XXYLT1: variants seen among roughly 807,000 people sequenced by gnomAD.
XXYLT1 encodes UDP-xylose:alpha-xyloside alpha-1,3-xylosyltransferase.
XXYLT1 carries 20 observed loss-of-function variants against 28.9 expected under a neutral mutation model. The ratio of observed to expected loss-of-function variants is 0.69; its 90% confidence interval spans 0.49 to 1.00. The LOEUF is 1.00. XXYLT1 is among the 50% of genes least tolerant of loss of function. The probability of loss-of-function intolerance (pLI) is 0.00; values close to 1 mark genes in which losing one functional copy is unlikely to be tolerated. For synonymous variants in XXYLT1, 257 were observed against 253.8 expected (o/e 1.01, Z -0.12); for missense variants, 542 against 560.1 (o/e 0.97, Z 0.33).
intron 2 of XXYLT1, among the ~76,000 whole-genome samples, chr3:195,226,409 T>C (rs1724053114): frequency 6.6e-6 from 1 of 151,958 alleles, no homozygotes; most frequent in African/African-American, 2.4e-5. Context: ...AAACAAAGTA[T>C]GGGGGTTGAG....
At chr3:195,208,335 G>A (rs955392667) in intron 2 of XXYLT1, among the ~76,000 whole-genome samples, 7 of 152,138 alleles carry the variant, frequency 4.6e-5, no homozygotes, top group African/African-American at 1.2e-4. Flanking sequence ...GCACAGCACA[G>A]CATCCAGTCT....
rs1370000399 is a variant in XXYLT1, at chr3:195,158,726, C to A, written c.653-2145G>T. 3.3e-5 allele frequency among the ~76,000 whole-genome samples: 5 copies of A among 152,220 alleles called. No individual in the cohort carries two copies. In the East Asian group the frequency reaches 9.6e-4, roughly 29 times the overall value. Reference sequence around the variant, plus strand: ...TTTCTATTCCCGGAGGCCAACAGGCCCCTGTGCAGCCTGCACTGTCCTGCG... The same window carrying A: ...TTTCTATTCCCGGAGGCCAACAGGCACCTGTGCAGCCTGCACTGTCCTGCG... On this transcript the variant is annotated intron_variant, in intron 2 of 3. Coordinates refer to ENST00000310380, the MANE Select transcript of XXYLT1 (RefSeq NM_152531.5).
rs568247718 is a variant in XXYLT1, at chr3:195,259,736, G to T, written c.504+10819C>A. 21 of 945,824 alleles carry T rather than the reference G, an allele frequency of 2.2e-5. No individual in the cohort carries two copies. The African/African-American group carries it at 3.7e-4, about 17-fold the overall frequency. 58.6% of individuals were successfully genotyped at this position (945,824 alleles called of 1,614,324 possible). ...GCGGCCCCCGGAGCCGGCCTCTGGC[G>T]GCCTCGGGTCTTTTGCCAAATTCCC... On this transcript the variant is annotated intron_variant, in intron 1 of 3. Coordinates refer to ENST00000310380, the MANE Select transcript of XXYLT1 (RefSeq NM_152531.5).
At chr3:195,183,297 TAGTC>T (rs1329311844) in intron 2 of XXYLT1, among the ~76,000 whole-genome samples, 3 of 152,288 alleles carry the variant, frequency 2.0e-5, no homozygotes, top group East Asian at 1.9e-4. Context: ...GTTCTAGTAA[TAGTC>T]AGTTCTCATG....
chr3:195,270,667 A>C lies in XXYLT1; in HGVS notation c.392T>G (p.Phe131Cys). The C allele has an allele frequency of 6.3e-7, 1 of 1,583,164 alleles. No individual in the cohort carries two copies. The highest frequency in any genetic ancestry group is 8.5e-7 in the Non-Finnish European group (1 of 1,170,352). The change falls in exon 1 of 4, where the codon TTC (phenylalanine) becomes TGC (cysteine). Residue 131 changes from phenylalanine (F) to cysteine (C), a missense_variant. Coordinates refer to ENST00000310380, the MANE Select transcript of XXYLT1 (RefSeq NM_152531.5). ...ALRSLLRLAKFEAHEVLNLHF... is the reference protein window; with the variant it reads ...ALRSLLRLAKCEAHEVLNLHF... ...AAGGTTAAGCACCTCGTGCGCCTCG[A>C]ACTTGGCGAGGCGCAGCAGTGAGCG...
intron 2 of XXYLT1, among the ~76,000 whole-genome samples, chr3:195,204,476 A>ACTCTCTCTCTCTCTCTCTCTCTCTCTCT (rs61196221): frequency 5.6e-5 from 7 of 125,864 alleles, no homozygotes; most frequent in African/African-American, 2.0e-4. Flanking sequence ...TCACTCTCTC[A>ACTCTCTCTCTCTCTCTCTCTCTCTCTCT]CTCTCTCTCT....
chr3:195,222,169 C>T (rs1420233626), intron 2 of XXYLT1, among the ~76,000 whole-genome samples: 1 of 152,216 alleles, frequency 6.6e-6, no homozygotes, highest in African/African-American at 2.4e-5. Context: ...TTTCACAGGG[C>T]TGGGCATGTG....
chr3:195,239,609 ATT>A (rs1724695615), intron 1 of XXYLT1, among the ~76,000 whole-genome samples: 4 of 152,222 alleles, frequency 2.6e-5, no homozygotes. Flanking sequence ...GGTTTTATTA[ATT>A]TGTTTACATA....
rs1719571376 is a variant in XXYLT1 at position 195,142,969 on chromosome 3, C to T, written c.785+13480G>A. Among the ~76,000 whole-genome samples, 3 of 152,196 alleles carry T rather than the reference C, an allele frequency of 2.0e-5. No individual in the cohort carries two copies. The South Asian group carries it at 6.2e-4, about 32-fold the overall frequency. ...AGAGGAGTTTAAAGATGCTCTTATA[C>T]ACATTCGACCTCTCAGACAATTAAA... On this transcript the variant is annotated intron_variant, in intron 3 of 3. Transcript: ENST00000310380.
At position 195,173,667 on chromosome 3, in the gene XXYLT1, C is replaced by T. The variant is rs1258168623; in HGVS notation, c.653-17086G>A. Among the ~76,000 whole-genome samples, 20 of 152,204 alleles carry T rather than the reference C, an allele frequency of 1.3e-4. No individual in the cohort carries two copies. The highest frequency in any genetic ancestry group is 1.5e-5 in the Non-Finnish European group (1 of 68,028). On this transcript the variant is annotated intron_variant, in intron 2 of 3. Transcript: ENST00000310380. This position sits in a 1 kb window ranked among gnomAD's most constrained non-coding sequence, Gnocchi z 4.3. Reference sequence around the variant, plus strand: ...CCTCCCCACCACAGTAGTCCACTGACTCGGGGTAAAGTACGGGCTCAGGGG... The same window carrying T: ...CCTCCCCACCACAGTAGTCCACTGATTCGGGGTAAAGTACGGGCTCAGGGG...
At chr3:195,221,133 A>G (rs1723805607) in intron 2 of XXYLT1, among the ~76,000 whole-genome samples, 1 of 152,172 alleles carries the variant, frequency 6.6e-6, no homozygotes, top group Non-Finnish European at 1.5e-5. Flanking sequence ...ACATCAGATA[A>G]ATCCTAATTG....
In XXYLT1 at chr3:195,223,021, C is replaced by T. The variant is rs535481226; in HGVS notation, c.652+3688G>A. ...GGCAGATCACGTAAGGTCAGGAGTT[C>T]GAAACCAGCCTGGCCAATATGGTGA... On this transcript the variant is annotated intron_variant, in intron 2 of 3. Transcript: ENST00000310380. Among the ~76,000 whole-genome samples the T allele has an allele frequency of 3.3e-5, 5 of 151,346 alleles. No homozygotes were observed. The South Asian group carries it at 8.4e-4, about 25-fold the overall frequency.
chr3:195,097,633 G>A (rs1233721895), intron 3 of XXYLT1, among the ~76,000 whole-genome samples: 1 of 152,174 alleles, frequency 6.6e-6, no homozygotes, highest in Non-Finnish European at 1.5e-5. Context: ...TTAAACCCAG[G>A]CAGCCTGGCC....
chr3:195,241,123 G>A (rs900493811), intron 1 of XXYLT1, among the ~76,000 whole-genome samples: 9 of 152,326 alleles, frequency 5.9e-5, no homozygotes, highest in Middle Eastern at 6.8e-3. Flanking sequence ...TGAAGAAGCA[G>A]GGCGGGTCTT....
chr3:195,209,867 C>G lies in XXYLT1; in HGVS notation c.652+16842G>C, dbSNP rs891582603. ...AGGCCCGAGACTCCGTCCAAGGCGG[C>G]TGACCAGCAGGACCTGGCCATCAGC... On this transcript the variant is annotated intron_variant, in intron 2 of 3. Coordinates refer to ENST00000310380, the MANE Select transcript of XXYLT1 (RefSeq NM_152531.5). This position sits in a 1 kb window ranked among gnomAD's most constrained non-coding sequence, Gnocchi z 5.0. The G allele has an allele frequency of 6.6e-6, 1 of 151,148 alleles. No individual in the cohort carries two copies. Among genetic ancestry groups the G allele is most frequent in the African/African-American group, 2.5e-5 (1 of 40,012 alleles). 9.4% of individuals were successfully genotyped at this position (151,148 alleles called of 1,614,324 possible). A position where few individuals can be genotyped will look rare whatever the true frequency, so the allele number is the denominator to read the frequency against.
chr3:195,198,913 G>A (rs1047797867), intron 2 of XXYLT1, among the ~76,000 whole-genome samples: 5 of 152,126 alleles, frequency 3.3e-5, no homozygotes, highest in South Asian at 2.1e-4. Flanking sequence ...AGAGTTCTCC[G>A]ACGGGAAGGC....
At chr3:195,214,860 T>A (rs1466447135) in intron 2 of XXYLT1, 1 of 152,114 alleles carries the variant, frequency 6.6e-6, no homozygotes, top group Admixed American at 6.6e-5. Flanking sequence ...TGCGCAAGGA[T>A]GACATGCAAA....
intron 1 of XXYLT1, chr3:195,247,837 T>C (rs957725637): frequency 1.7e-5 from 12 of 702,590 alleles, no homozygotes; most frequent in Non-Finnish European, 2.3e-5. Context: ...CATCTCACCA[T>C]AGTGCAGCAG....
intron 2 of XXYLT1, among the ~76,000 whole-genome samples, chr3:195,213,348 T>A (rs1723416842): frequency 6.8e-6 from 1 of 147,368 alleles, no homozygotes; most frequent in Non-Finnish European, 1.5e-5. Context: ...CACCGCAACC[T>A]CCACTTCCTG....
Sources: allele counts gnomAD v4.1 joint callset (sites outside exome capture counted in the v4.1 genomes callset), GRCh38; gene constraint gnomAD v4.1.1; non-coding constraint Gnocchi (gnomAD v3.1); transcripts MANE v1.5; gene names NCBI Gene and HGNC (gene_info 2026-07-23, HGNC 2026-07-21).